MLPH: variants seen among roughly 807,000 people sequenced by gnomAD.
The protein encoded by MLPH is melanophilin.
Under a neutral mutation model 72.1 loss-of-function variants are expected in MLPH, and 51 were observed. The ratio of observed to expected loss-of-function variants is 0.71; its 90% CI spans 0.56 to 0.89. MLPH has a LOEUF of 0.89. Ranked by LOEUF, MLPH falls within the 40% of genes least tolerant of loss-of-function variation. The probability of loss-of-function intolerance (pLI) is 0.00; values close to 1 mark genes in which losing one functional copy is unlikely to be tolerated. For missense variants in MLPH, 743 were observed against 759.9 expected, an observed-to-expected ratio of 0.98 and a Z score of 0.26; for synonymous variants, 301 against 310.1, an observed-to-expected ratio of 0.97 and a Z score of 0.31.
chr2:237,534,014 G>C (rs948571808), intron 8 of MLPH, among the ~76,000 whole-genome samples: 1 of 152,196 alleles, frequency 6.6e-6, no homozygotes, highest in Non-Finnish European at 1.5e-5. Flanking sequence ...CTAGAAAATT[G>C]ATTTATCATG....
chr2:237,494,541 G>A (rs1043697915), intron 2 of MLPH, among the ~76,000 whole-genome samples: 10 of 152,156 alleles, frequency 6.6e-5, no homozygotes, highest in African/African-American at 2.4e-4. Flanking sequence ...TGGGCTCTGT[G>A]AAGTGGCCAG....
Position 237,540,499 on chromosome 2 carries a change from A to T in MLPH, c.1256A>T (p.Lys419Ile), listed in dbSNP as rs755748213. ...GAAAAGGCAGAGCCCAACAGGGACA[A>T]ATCAGTTGGGCCTCTCCCCCAGGCG... Reference protein sequence around the residue: ...KDEKAEPNRDKSVGPLPQADP... With the variant: ...KDEKAEPNRDISVGPLPQADP... The change falls in exon 10 of 16, where the codon AAA becomes ATA. Residue 419 changes from lysine to isoleucine, a missense_variant. Transcript: ENST00000264605. 6.2e-7 allele frequency: 1 copy of T among 1,612,516 alleles called. No individual in the cohort carries two copies. The highest frequency in any genetic ancestry group is 8.5e-7 in the Non-Finnish European group (1 of 1,179,948).
chr2:237,546,944 C>T (rs956145397), intron 13 of MLPH, among the ~76,000 whole-genome samples: 22 of 152,150 alleles, frequency 1.4e-4, no homozygotes, highest in African/African-American at 4.1e-4. Context: ...GAAAGTGAGA[C>T]GGGAAAGGAA....
At chr2:237,496,316 C>T (rs1282929325) in intron 2 of MLPH, among the ~76,000 whole-genome samples, 1 of 152,222 alleles carries the variant, frequency 6.6e-6, no homozygotes, top group Non-Finnish European at 1.5e-5. Flanking sequence ...CGGACAGGCA[C>T]TGTCTTCCAG....
intron 6 of MLPH, among the ~76,000 whole-genome samples, chr2:237,520,742 C>G (rs1271706105): frequency 6.6e-6 from 1 of 152,174 alleles, no homozygotes; most frequent in Admixed American, 6.5e-5. Context: ...AGAGTTTAAT[C>G]AGGCCTTTCT....
chr2:237,524,099 G>A (rs1000530073), intron 6 of MLPH, among the ~76,000 whole-genome samples: 1 of 151,878 alleles, frequency 6.6e-6, no homozygotes, highest in African/African-American at 2.4e-5. Flanking sequence ...GCAGGCTGAG[G>A]CTATTGGGTC....
intron 6 of MLPH, among the ~76,000 whole-genome samples, chr2:237,524,668 C>T (rs2080263494): frequency 6.6e-6 from 1 of 152,198 alleles, no homozygotes; most frequent in Admixed American, 6.5e-5. Context: ...TCCCTCGATC[C>T]AATCAAGTTG....
chr2:237,540,508 G>A lies in MLPH; in HGVS notation c.1265G>A (p.Gly422Glu), dbSNP rs1407400287. The change falls in exon 10 of 16, where the codon GGG becomes GAG. Residue 422 changes from glycine to glutamate, a missense_variant. Physicochemically the swap from Gly to Glu is moderately conservative, Grantham distance 98. Transcript: ENST00000264605. ...KAEPNRDKSV[G>E]PLPQADPEVG... ...GAGCCCAACAGGGACAAATCAGTTG[G>A]GCCTCTCCCCCAGGCGGACCCGGAG... The A allele has an allele frequency of 6.2e-7, 1 of 1,612,270 alleles. No individual in the cohort carries two copies. Among genetic ancestry groups the A allele is most frequent in the South Asian group, 1.1e-5 (1 of 90,990 alleles).
Position 237,540,428 on chromosome 2 carries a change from C to T in MLPH, c.1185C>T (p.Asn395=), listed in dbSNP as rs779906804. 8 of 1,612,860 alleles carry T rather than the reference C, an allele frequency of 5.0e-6. No homozygotes were observed. The highest frequency in any genetic ancestry group is 1.3e-5 in the African/African-American group (1 of 74,974). The change falls in exon 10 of 16, where the codon AAC becomes AAT. Residue 395 remains asparagine, a synonymous_variant. Transcript: ENST00000264605. ...LRRKLEELTS[N]VSDQETSSEE... ...GGAAGCTGGAGGAGCTGACCAGCAA[C>T]GTCAGTGACCAGGAGACCTCGTCCG...
chr2:237,550,344 C>A (rs1020999918), intron 14 of MLPH, among the ~76,000 whole-genome samples: 1 of 152,254 alleles, frequency 6.6e-6, no homozygotes, highest in Non-Finnish European at 1.5e-5. Flanking sequence ...GAGCTCCCAG[C>A]ACACATTCTG....
At position 237,552,389 on chromosome 2, in the gene MLPH, A is replaced by G; in HGVS notation, c.1728A>G (p.Thr576=). ...DRKSVYRGSL[T]QRNPNARKGM... ...AATCAGTGTACCGAGGCTCGCTGAC[A>G]CAGAGAAACCCCAACGCGAGGAAAG... Residue 576 remains threonine, a synonymous_variant, in exon 15 of 16, where the codon ACA becomes ACG. Transcript: ENST00000264605. 3.7e-6 allele frequency: 6 copies of G among 1,614,162 alleles called. No individual in the cohort carries two copies. The highest frequency in any genetic ancestry group is 1.7e-5 in the Admixed American group (1 of 60,016).
chr2:237,511,163 G>C lies in MLPH; in HGVS notation c.445+62G>C. 2.9e-6 allele frequency: 4 copies of C among 1,371,152 alleles called. No individual in the cohort carries two copies. The South Asian group carries it at 3.5e-5, about 12-fold the overall frequency. 84.9% of individuals were successfully genotyped at this position (1,371,152 alleles called of 1,614,324 possible). A position where few individuals can be genotyped will look rare whatever the true frequency, so the allele number is the denominator to read the frequency against. On this transcript the variant is annotated intron_variant, in intron 4 of 15. Coordinates refer to ENST00000264605, the MANE Select transcript of MLPH (RefSeq NM_024101.7). ...AGGCATTTTAGGAATATTAAAGCAG[G>C]TTCCTTTGGAGTGTGCATGTGTGTG...
chr2:237,497,243 A>G (rs561415466), intron 2 of MLPH, among the ~76,000 whole-genome samples: 2 of 152,196 alleles, frequency 1.3e-5, no homozygotes, highest in Admixed American at 1.3e-4. Flanking sequence ...CTGCCGTGCA[A>G]TTCGGTTCCT....
rs563793351 is a variant in MLPH, at chr2:237,549,235, C to G, written c.1632C>G (p.Pro544=). The G allele has an allele frequency of 3.7e-6, 6 of 1,614,016 alleles. No homozygotes were observed. The African/African-American group carries it at 8.0e-5, about 22-fold the overall frequency. ...PSSEAKAMAV[P]YLLRRKFSNS... ...GTTTCTTCTAGGCAATGGCTGTGCC[C>G]TATCTTCTGAGAAGAAAGTTCAGTA... Residue 544 remains proline (P), a synonymous_variant, in exon 14 of 16, where the codon CCC becomes CCG. Transcript: ENST00000264605.
intron 1 of MLPH, among the ~76,000 whole-genome samples, chr2:237,492,235 C>CA (rs35281589): frequency 5.3e-5 from 8 of 149,704 alleles, no homozygotes; most frequent in African/African-American, 7.4e-5. Context: ...TGATGAACTT[C>CA]AAAAAAAAAG....
At position 237,518,613 on chromosome 2, in the gene MLPH, G is replaced by GAGGCCCAGGCCC. The variant is rs767248757; in HGVS notation, c.529_540dup (p.Ala177_Gln180dup). 4 of 1,613,514 alleles carry GAGGCCCAGGCCC rather than the reference G, an allele frequency of 2.5e-6. No homozygotes were observed. The highest frequency in any genetic ancestry group is 3.4e-6 in the Non-Finnish European group (4 of 1,179,732). On this transcript the variant is annotated inframe_insertion, in exon 5 of 16. Coordinates refer to ENST00000264605, the MANE Select transcript of MLPH (RefSeq NM_024101.7). ...AGATGAGGATGGAGAACCTGGCTCA[G>GAGGCCCAGGCCC]AGGCCCAGGCCCAGGCCCAGCCCTT...
intron 2 of MLPH, among the ~76,000 whole-genome samples, chr2:237,497,961 G>A (rs10196831): frequency 0.28 from 41,990 of 152,106 alleles, 10,799 homozygotes; most frequent in African/African-American, 0.67. Context: ...CAATTCAGGA[G>A]CCGCCCAGCA....
At chr2:237,534,960 C>T (rs1454140962) in intron 9 of MLPH, among the ~76,000 whole-genome samples, 1 of 152,194 alleles carries the variant, frequency 6.6e-6, no homozygotes, top group Non-Finnish European at 1.5e-5. Context: ...CTTGGCCCTA[C>T]AGCCTCTGAA....
rs1237975632 is a variant in MLPH at position 237,518,647 on chromosome 2, A to G, written c.554A>G (p.Lys185Arg). The G allele has an allele frequency of 6.2e-7, 1 of 1,611,334 alleles. No homozygotes were observed. Among genetic ancestry groups the G allele is most frequent in the South Asian group, 1.1e-5 (1 of 90,734 alleles). ...AQAQAQPFGS[K>R]KKRLLSVHDF... ...GCCCAGGCCCAGCCCTTTGGCAGCA[A>G]AGTAAGTCATCTCCAGCCACCCCCT... Residue 185 changes from lysine to arginine, a missense_variant and splice_region_variant, in exon 5 of 16, where the codon AAA becomes AGA. Coordinates refer to ENST00000264605, the MANE Select transcript of MLPH (RefSeq NM_024101.7).
Sources: gnomAD v4.1 joint callset for allele counts (sites outside exome capture counted in the v4.1 genomes callset) on GRCh38, gnomAD v4.1.1 for gene constraint, MANE v1.5 for transcripts, NCBI Gene and HGNC (gene_info 2026-07-23, HGNC 2026-07-21) for gene names.